CNTNAP2: variants seen among roughly 807,000 people sequenced by gnomAD.
CNTNAP2 encodes the protein contactin associated protein 2.
In CNTNAP2, 98 loss-of-function variants were observed where a neutral mutation model predicts 155.2. The ratio of observed to expected loss-of-function variants is 0.63; its 90% CI spans 0.54 to 0.75. The LOEUF (loss-of-function observed/expected upper bound fraction) is 0.75. CNTNAP2 is among the 30% of genes least tolerant of loss of function. CNTNAP2 has a pLI of 0.00. For synonymous variants in CNTNAP2, 651 were observed against 631.2 expected (o/e 1.03, Z -0.47); for missense variants, 1,727 against 1,688.1 (o/e 1.02, Z -0.40).
At position 146,798,948 on chromosome 7, in the gene CNTNAP2, A is replaced by G. The variant is rs115857343; in HGVS notation, c.208+24567A>G. On this transcript the variant is annotated intron_variant, in intron 2 of 23. Transcript: ENST00000361727. ...TATTTTTGAGTACATTATGTGAGCT[A>G]AATTGTATTTCAGGTGGTAGAGACT... Among the ~76,000 whole-genome samples the G allele has an allele frequency of 7.9e-3, 1,205 of 152,260 alleles. 20 individuals are homozygous for G. Among genetic ancestry groups the G allele is most frequent in the African/African-American group, 0.026 (1,086 of 41,536 alleles).
At chr7:147,452,579 T>C (rs1322464753) in intron 10 of CNTNAP2, among the ~76,000 whole-genome samples, 2 of 152,236 alleles carry the variant, frequency 1.3e-5, no homozygotes, top group Non-Finnish European at 1.5e-5. Flanking sequence ...GGAGAAAATA[T>C]TTTAATATTT....
At chr7:148,214,811 C>G (rs773127055) in intron 18 of CNTNAP2, among the ~76,000 whole-genome samples, 1 of 152,140 alleles carries the variant, frequency 6.6e-6, no homozygotes, top group South Asian at 2.1e-4. Context: ...CCTCGTGATC[C>G]GCCAGCCTCG....
intron 8 of CNTNAP2, among the ~76,000 whole-genome samples, chr7:147,153,346 T>C (rs1344753589): frequency 6.6e-6 from 1 of 152,066 alleles, no homozygotes; most frequent in Non-Finnish European, 1.5e-5. Context: ...AGAAATGATA[T>C]AGAATGTTAG....
chr7:146,869,930 C>T (rs895641394), intron 3 of CNTNAP2, among the ~76,000 whole-genome samples: 3 of 152,156 alleles, frequency 2.0e-5, no homozygotes, highest in South Asian at 2.1e-4. Flanking sequence ...AACAATACTT[C>T]GCATCCTTCA....
intron 1 of CNTNAP2, among the ~76,000 whole-genome samples, chr7:146,221,097 T>A (rs1260937133): frequency 2.6e-5 from 4 of 152,208 alleles, no homozygotes; most frequent in African/African-American, 7.2e-5. Flanking sequence ...CTGCATGAGT[T>A]GAATCACTCC....
At chr7:147,625,755 G>T (rs1794958905) in intron 12 of CNTNAP2, among the ~76,000 whole-genome samples, 1 of 152,108 alleles carries the variant, frequency 6.6e-6, no homozygotes, top group African/African-American at 2.4e-5. Context: ...AAAACCTGAA[G>T]GATTCCCAGA....
At chr7:148,407,725 A>AAAAAAAT (rs1799735766) in intron 22 of CNTNAP2, among the ~76,000 whole-genome samples, 1 of 144,386 alleles carries the variant, frequency 6.9e-6, no homozygotes, top group Non-Finnish European at 1.5e-5. Flanking sequence ...AAAAAAAAAA[A>AAAAAAAT]GGATTGAGCC....
At chr7:148,104,964 T>C (rs1409252003) in intron 15 of CNTNAP2, among the ~76,000 whole-genome samples, 2 of 152,140 alleles carry the variant, frequency 1.3e-5, no homozygotes, top group Non-Finnish European at 2.9e-5. Flanking sequence ...ATGGTTCAAA[T>C]TTATTAAAAA....
intron 12 of CNTNAP2, among the ~76,000 whole-genome samples, chr7:147,627,619 G>T (rs561003319): frequency 2.9e-4 from 43 of 149,206 alleles, no homozygotes; most frequent in African/African-American, 1.0e-3. Context: ...TTGAACCTGG[G>T]AGGCGGAGGT....
At chr7:147,351,352 T>C (rs779642118) in intron 9 of CNTNAP2, among the ~76,000 whole-genome samples, 10 of 151,684 alleles carry the variant, frequency 6.6e-5, no homozygotes, top group Non-Finnish European at 1.3e-4. Context: ...TTTGTTCATA[T>C]GCAGCTCCTG....
intron 2 of CNTNAP2, among the ~76,000 whole-genome samples, chr7:146,825,415 A>C (rs554407558): frequency 6.6e-6 from 1 of 152,260 alleles, no homozygotes; most frequent in Non-Finnish European, 1.5e-5. Flanking sequence ...AGCAAGTGCC[A>C]GCCAAAGAGA....
intron 21 of CNTNAP2, among the ~76,000 whole-genome samples, chr7:148,353,366 C>A (rs1563054473): frequency 6.6e-6 from 1 of 152,194 alleles, no homozygotes. Flanking sequence ...TGGAATGATT[C>A]ATTCCCCCCA....
At chr7:147,646,921 G>A (rs73164402) in intron 13 of CNTNAP2, among the ~76,000 whole-genome samples, 263 of 151,932 alleles carry the variant, frequency 1.7e-3, no homozygotes, top group Middle Eastern at 6.8e-3. Context: ...AGAAAAGAAC[G>A]CAGAAGAAAA....
At chr7:147,522,974 C>A (rs539849467) in intron 11 of CNTNAP2, among the ~76,000 whole-genome samples, 8 of 152,232 alleles carry the variant, frequency 5.3e-5, no homozygotes, top group African/African-American at 1.4e-4. Flanking sequence ...TACAGAGCAA[C>A]AAATTACTCC....
At chr7:146,691,566 T>C (rs190189791) in intron 1 of CNTNAP2, among the ~76,000 whole-genome samples, 34 of 152,270 alleles carry the variant, frequency 2.2e-4, no homozygotes, top group Middle Eastern at 3.4e-3. Context: ...CAATACTCAT[T>C]TGCTTTTGCA....
intron 1 of CNTNAP2, among the ~76,000 whole-genome samples, chr7:146,472,910 T>A (rs1017529998): frequency 6.6e-6 from 1 of 150,388 alleles, no homozygotes; most frequent in African/African-American, 2.5e-5. Context: ...CTTTTCATTT[T>A]AAATGTAATG....
chr7:146,125,581 CAAA>C (rs57234097), intron 1 of CNTNAP2, among the ~76,000 whole-genome samples: 1,357 of 58,778 alleles, frequency 0.023, 3 homozygotes, highest in Middle Eastern at 0.029. Flanking sequence ...ACTCCGTCTC[CAAA>C]AAAAAAAAAA....
chr7:147,785,887 A>G (rs851673), intron 13 of CNTNAP2, among the ~76,000 whole-genome samples: 69,842 of 151,932 alleles, frequency 0.46, 18,940 homozygotes, highest in African/African-American at 0.76. Flanking sequence ...AGCTACTTGG[A>G]AGGCTGAGGC....
chr7:147,522,273 T>C (rs1461780070), intron 11 of CNTNAP2, among the ~76,000 whole-genome samples: 2 of 152,220 alleles, frequency 1.3e-5, no homozygotes, highest in African/African-American at 4.8e-5. Flanking sequence ...ATTCTGACCA[T>C]AGCATATACT....
Sources: gnomAD v4.1 joint callset for allele counts (sites outside exome capture counted in the v4.1 genomes callset) on GRCh38, gnomAD v4.1.1 for gene constraint, MANE v1.5 for transcripts, NCBI Gene and HGNC (gene_info 2026-07-23, HGNC 2026-07-21) for gene names.